The following XKR6 variants were observed in gnomAD, a reference collection of about 807,000 sequenced individuals.
The protein encoded by XKR6 is XK related 6, also known as XK-related protein 6.
XKR6 carries 22 observed loss-of-function variants against 56.7 expected under a neutral mutation model. That is an observed-to-expected ratio of 0.39 (90% CI 0.28 to 0.55). XKR6 has a LOEUF of 0.55. XKR6 is among the 20% of genes least tolerant of loss of function. The pLI is 0.66. For synonymous variants in XKR6, 524 were observed against 387.8 expected (o/e 1.35, Z -4.13); for missense variants, 852 against 889.0 (o/e 0.96, Z 0.53).
At chr8:11,079,138 G>A (rs972037018) in intron 1 of XKR6, among the ~76,000 whole-genome samples, 8 of 152,188 alleles carry the variant, frequency 5.3e-5, no homozygotes, top group Non-Finnish European at 1.2e-4. Flanking sequence ...TCCCAGGGAG[G>A]AAACACCTCC....
chr8:10,917,626 G>A (rs1161016562), intron 2 of XKR6, among the ~76,000 whole-genome samples: 1 of 152,182 alleles, frequency 6.6e-6, no homozygotes, highest in East Asian at 1.9e-4. Context: ...CTGAGTTAGA[G>A]TCTGAGGGGC....
chr8:11,121,462 A>T (rs1018197605), intron 1 of XKR6, among the ~76,000 whole-genome samples: 3 of 152,256 alleles, frequency 2.0e-5, no homozygotes, highest in Non-Finnish European at 4.4e-5. Flanking sequence ...CATCAGAGAA[A>T]TGCAAATTAA....
At chr8:11,099,602 A>G (rs1370473710) in intron 1 of XKR6, among the ~76,000 whole-genome samples, 1 of 152,176 alleles carries the variant, frequency 6.6e-6, no homozygotes, top group Non-Finnish European at 1.5e-5. Context: ...AAAATCTCCA[A>G]GTTTCCTTGC....
At position 11,129,986 on chromosome 8, in the gene XKR6, G is replaced by A. The variant is rs191076484; in HGVS notation, c.764+70590C>T. ...TGAATTCTTAGTTCCAGATTGAATG[G>A]GAAATCCCTATCACATTTCTTACAG... On this transcript the variant is annotated intron_variant, in intron 1 of 2. Transcript: ENST00000416569. Among the ~76,000 whole-genome samples the A allele has an allele frequency of 2.0e-3, 304 of 152,186 alleles. 2 individuals carry two copies. Among genetic ancestry groups the A allele is most frequent in the Non-Finnish European group, 3.3e-3 (224 of 68,024 alleles).
At chr8:11,161,860 C>T (rs1224512851) in intron 1 of XKR6, among the ~76,000 whole-genome samples, 3 of 151,982 alleles carry the variant, frequency 2.0e-5, no homozygotes, top group African/African-American at 7.2e-5. Flanking sequence ...CTGAAAAAGA[C>T]GGAAATGAAA....
At chr8:10,951,231 A>T (rs1181364319) in intron 1 of XKR6, among the ~76,000 whole-genome samples, 1 of 149,698 alleles carries the variant, frequency 6.7e-6, no homozygotes, top group African/African-American at 2.5e-5. Context: ...AGTGATGGAA[A>T]CTCATGCTGG....
At chr8:11,014,545 G>C (rs1034655768) in intron 1 of XKR6, among the ~76,000 whole-genome samples, 1 of 152,138 alleles carries the variant, frequency 6.6e-6, no homozygotes, top group South Asian at 2.1e-4. Context: ...GGTGCAGGCA[G>C]GTTCCCCCAA....
intron 1 of XKR6, among the ~76,000 whole-genome samples, chr8:11,005,842 C>CTTTTTT (rs56880407): frequency 1.3e-3 from 160 of 121,282 alleles, no homozygotes; most frequent in African/African-American, 2.3e-3. Context: ...TTCTTTCTTT[C>CTTTTTT]TTTTTTTTTT....
intron 1 of XKR6, among the ~76,000 whole-genome samples, chr8:11,090,916 C>A (rs1032482638): frequency 3.9e-5 from 6 of 152,106 alleles, no homozygotes; most frequent in Non-Finnish European, 8.8e-5. Context: ...TGCAATCACC[C>A]CATTTGATAG....
At chr8:11,109,426 A>C (rs935669665) in intron 1 of XKR6, 1 of 152,156 alleles carries the variant, frequency 6.6e-6, no homozygotes. Context: ...AACAAACTCA[A>C]ACTCACTGTT....
intron 1 of XKR6, among the ~76,000 whole-genome samples, chr8:10,985,423 T>C (rs867023887): frequency 3.3e-5 from 5 of 152,064 alleles, no homozygotes; most frequent in Non-Finnish European, 7.4e-5. Context: ...AGGAACATTG[T>C]CTAGATCACT....
chr8:11,106,920 T>C (rs1035858950), intron 1 of XKR6, among the ~76,000 whole-genome samples: 1 of 148,420 alleles, frequency 6.7e-6, no homozygotes, highest in African/African-American at 2.5e-5. Context: ...ACAACCCAGA[T>C]CCTTCAGCCC....
At chr8:10,914,279 C>A (rs181950824) in intron 2 of XKR6, among the ~76,000 whole-genome samples, 1 of 152,126 alleles carries the variant, frequency 6.6e-6, no homozygotes, top group African/African-American at 2.4e-5. Context: ...GTGTCCCTTT[C>A]GGAGCCTCTT....
intron 1 of XKR6, among the ~76,000 whole-genome samples, chr8:11,149,132 G>T (rs1801139309): frequency 6.6e-6 from 1 of 152,154 alleles, no homozygotes; most frequent in African/African-American, 2.4e-5. Context: ...ATGGAATCAG[G>T]AGCCCGTGGG....
chr8:10,984,732 C>CTCTCTATATATATA lies in XKR6; in HGVS notation c.765-59903_765-59902insTATATATATAGAGA. On this transcript the variant is annotated intron_variant, in intron 1 of 2. Transcript: ENST00000416569. Reference sequence around the variant, plus strand: ...TCTCTCTCTCTCTCTCTCTCTCTCTCTATATATATATATATATATATATAT... The same window carrying CTCTCTATATATATA: ...TCTCTCTCTCTCTCTCTCTCTCTCTCTCTCTATATATATATATATATATATATATATATATATAT... Among the ~76,000 whole-genome samples, 92 of 47,480 alleles carry CTCTCTATATATATA rather than the reference C, an allele frequency of 1.9e-3. 2 individuals are homozygous for CTCTCTATATATATA. The highest frequency in any genetic ancestry group is 5.9e-3 in the African/African-American group (66 of 11,096). The allele number at this position is 47,480 out of a possible 152,430, so 31.1% of individuals were successfully genotyped here. A position where few individuals can be genotyped will look rare whatever the true frequency, so the allele number is the denominator to read the frequency against.
chr8:11,136,664 T>C (rs1800419892), intron 1 of XKR6, among the ~76,000 whole-genome samples: 1 of 152,136 alleles, frequency 6.6e-6, no homozygotes, highest in Non-Finnish European at 1.5e-5. Context: ...ATGATCTCTT[T>C]ACCACGTGAA....
At chr8:10,902,463 T>C (rs934374870) in intron 2 of XKR6, among the ~76,000 whole-genome samples, 2 of 152,214 alleles carry the variant, frequency 1.3e-5, no homozygotes, top group African/African-American at 4.8e-5. Context: ...GAGGATGGCA[T>C]GCTTCCTGCC....
chr8:11,005,488 G>A (rs1392705824), intron 1 of XKR6, among the ~76,000 whole-genome samples: 1 of 152,002 alleles, frequency 6.6e-6, no homozygotes, highest in Non-Finnish European at 1.5e-5. Flanking sequence ...AATGGACGGT[G>A]GTAATGGTTG....
Position 11,038,832 on chromosome 8 carries a change from C to T in XKR6, c.765-114002G>A, listed in dbSNP as rs577981924. On this transcript the variant is annotated intron_variant, in intron 1 of 2. Coordinates refer to ENST00000416569, the MANE Select transcript of XKR6 (RefSeq NM_173683.4). ...CTGGGATTACAGGCATGAGCCACCG[C>T]GCCTGGCCGACTTCAGGCATGTAAT... Among the ~76,000 whole-genome samples, 10 of 152,196 alleles carry T rather than the reference C, an allele frequency of 6.6e-5. No individual in the cohort carries two copies. The South Asian group carries it at 1.2e-3, about 19-fold the overall frequency.
Sources: allele counts gnomAD v4.1 joint callset (sites outside exome capture counted in the v4.1 genomes callset), GRCh38; gene constraint gnomAD v4.1.1; transcripts MANE v1.5; gene names NCBI Gene and HGNC (gene_info 2026-07-23, HGNC 2026-07-21).